Variants in SEMA5A observed in about 807,000 individuals in gnomAD.
SEMA5A encodes semaphorin 5A.
SEMA5A carries 55 observed loss-of-function variants against 135.5 expected under a neutral mutation model. The observed-to-expected ratio is 0.41, with a 90% CI of 0.33 to 0.51. The LOEUF is 0.51. SEMA5A is among the 20% of genes least tolerant of loss of function. The pLI is 0.37. For missense variants in SEMA5A, 1,290 were observed against 1,419.9 expected, an observed-to-expected ratio of 0.91 and a Z score of 1.47; for synonymous variants, 580 against 546.5, an observed-to-expected ratio of 1.06 and a Z score of -0.85.
chr5:9,171,329 C>G (rs1244930183), intron 11 of SEMA5A, among the ~76,000 whole-genome samples: 2 of 152,056 alleles, frequency 1.3e-5, no homozygotes, highest in Admixed American at 6.6e-5. Flanking sequence ...ACTTCCTAGG[C>G]AGGAAATTGA....
chr5:9,197,685 A>G (rs1345061631), intron 9 of SEMA5A, among the ~76,000 whole-genome samples: 9 of 145,612 alleles, frequency 6.2e-5, no homozygotes, highest in African/African-American at 2.3e-4. Context: ...TCCCTTCCTG[A>G]CCTGTTTATC....
intron 11 of SEMA5A, among the ~76,000 whole-genome samples, chr5:9,168,491 A>T (rs1743735502): frequency 6.6e-6 from 1 of 152,196 alleles, no homozygotes; most frequent in Admixed American, 6.5e-5. Context: ...GGTCAAGGGA[A>T]GCACTTTATG....
intron 16 of SEMA5A, among the ~76,000 whole-genome samples, chr5:9,101,164 A>G (rs253647): frequency 0.56 from 85,261 of 152,108 alleles, 26,094 homozygotes; most frequent in African/African-American, 0.83. Flanking sequence ...ATATTTAGCT[A>G]GATACAACAA....
intron 12 of SEMA5A, among the ~76,000 whole-genome samples, chr5:9,153,203 A>G (rs1481796647): frequency 1.3e-5 from 2 of 152,168 alleles, no homozygotes; most frequent in Non-Finnish European, 2.9e-5. Flanking sequence ...TGATATATCA[A>G]AAAGGACTAT....
intron 1 of SEMA5A, among the ~76,000 whole-genome samples, chr5:9,496,130 T>C (rs268495): frequency 0.97 from 147,976 of 152,294 alleles, 72,124 homozygotes; most frequent in Non-Finnish European, 1. Flanking sequence ...CTGTAACCTC[T>C]GCCTCCTGGG....
intron 1 of SEMA5A, among the ~76,000 whole-genome samples, chr5:9,508,006 AAAAAAAAAAAAGAAAAG>A (rs1425558614): frequency 3.1e-4 from 10 of 32,218 alleles, no homozygotes; most frequent in Admixed American, 1.2e-3. Flanking sequence ...TCTGTCTCAA[AAAAAAAAAAAAGAAAAG>A]AAAAAAAGAA....
chr5:9,359,566 T>G (rs1754600654), intron 3 of SEMA5A, among the ~76,000 whole-genome samples: 1 of 152,174 alleles, frequency 6.6e-6, no homozygotes, highest in African/African-American at 2.4e-5. Context: ...GAATCTGAAA[T>G]GAGTCAGTCC....
chr5:9,426,428 A>ATAAT (rs1561243507), intron 2 of SEMA5A, among the ~76,000 whole-genome samples: 1 of 143,016 alleles, frequency 7.0e-6, no homozygotes, highest in Non-Finnish European at 1.5e-5. Flanking sequence ...CCATCTCAAA[A>ATAAT]AAATAAATAA....
chr5:9,542,571 A>G (rs1307555367), intron 1 of SEMA5A, among the ~76,000 whole-genome samples: 6 of 152,216 alleles, frequency 3.9e-5, no homozygotes, highest in Admixed American at 3.9e-4. Context: ...TTTAAACATT[A>G]TTTAACACAT....
chr5:9,206,637 T>G (rs1746034191), intron 8 of SEMA5A, among the ~76,000 whole-genome samples: 2 of 152,046 alleles, frequency 1.3e-5, no homozygotes, highest in African/African-American at 4.8e-5. Flanking sequence ...GTTCTTGATA[T>G]AAAAATATTT....
intron 2 of SEMA5A, among the ~76,000 whole-genome samples, chr5:9,394,291 C>T (rs1278035908): frequency 6.6e-6 from 1 of 152,132 alleles, no homozygotes; most frequent in Non-Finnish European, 1.5e-5. Context: ...TCTCTGAGGT[C>T]CAAATCAAAC....
intron 7 of SEMA5A, among the ~76,000 whole-genome samples, chr5:9,225,263 T>A (rs1021479427): frequency 6.6e-6 from 1 of 151,836 alleles, no homozygotes; most frequent in Non-Finnish European, 1.5e-5. Flanking sequence ...TAAAGAATTA[T>A]GTATAATTGC....
intron 17 of SEMA5A, among the ~76,000 whole-genome samples, chr5:9,064,432 GCACATATA>G (rs1737348506): frequency 6.6e-6 from 1 of 152,136 alleles, no homozygotes; most frequent in South Asian, 2.1e-4. Context: ...AGAAAATGTG[GCACATATA>G]CACCATGGAA....
intron 1 of SEMA5A, among the ~76,000 whole-genome samples, chr5:9,495,492 C>T (rs561531639): frequency 6.6e-6 from 1 of 152,294 alleles, no homozygotes; most frequent in South Asian, 2.1e-4. Flanking sequence ...TGTGCTCCAT[C>T]ATTAAATATA....
intron 8 of SEMA5A, among the ~76,000 whole-genome samples, chr5:9,220,700 G>A (rs1461199355): frequency 6.6e-6 from 1 of 152,214 alleles, no homozygotes; most frequent in Non-Finnish European, 1.5e-5. Flanking sequence ...GGACAGGGCA[G>A]ACGCTCAAGC....
At chr5:9,385,090 C>T (rs907396433) in intron 2 of SEMA5A, among the ~76,000 whole-genome samples, 2 of 152,168 alleles carry the variant, frequency 1.3e-5, no homozygotes, top group African/African-American at 2.4e-5. Context: ...TGGGAGACAA[C>T]ATATAAGCAT....
intron 1 of SEMA5A, among the ~76,000 whole-genome samples, chr5:9,469,660 C>A (rs1488011942): frequency 6.6e-6 from 1 of 152,162 alleles, no homozygotes; most frequent in Non-Finnish European, 1.5e-5. Context: ...ACTAAAAGTG[C>A]TGGAGACCCT....
chr5:9,446,903 G>A (rs1000518044), intron 1 of SEMA5A, among the ~76,000 whole-genome samples: 7 of 152,168 alleles, frequency 4.6e-5, no homozygotes, highest in African/African-American at 1.4e-4. Flanking sequence ...ATAGAAGAGC[G>A]AAATGCCGGC....
intron 17 of SEMA5A, 115 bp downstream of exon 17, chr5:9,066,306 T>G (rs1036603892): frequency 7.6e-6 from 7 of 927,110 alleles, no homozygotes; most frequent in Admixed American, 1.8e-5. Context: ...TTTTCAAGGC[T>G]GCTAAGCCAT....
Sources: allele counts gnomAD v4.1 joint callset (sites outside exome capture counted in the v4.1 genomes callset), GRCh38; gene constraint gnomAD v4.1.1; transcripts MANE v1.5; gene names NCBI Gene and HGNC (gene_info 2026-07-23, HGNC 2026-07-21).